Variants in MYH8 observed in about 807,000 individuals in gnomAD.
MYH8 encodes myosin heavy chain 8.
Under a neutral mutation model 233.2 loss-of-function variants are expected in MYH8, and 168 were observed. That is an observed-to-expected ratio of 0.72 (90% confidence interval 0.64 to 0.82). MYH8 has a LOEUF of 0.82. MYH8 is among the 40% of genes least tolerant of loss of function. The pLI is 0.00. For missense variants in MYH8, 1,995 were observed against 2,327.8 expected (o/e 0.86, Z 2.94); for synonymous variants, 785 against 850.6 (o/e 0.92, Z 1.34).
rs2072278443 is a variant in MYH8, at chr17:10,415,166, C to G, written c.755G>C (p.Arg252Thr). 6.2e-7 allele frequency: 1 copy of G among 1,613,072 alleles called. No homozygotes were observed. Among genetic ancestry groups the G allele is most frequent in the African/African-American group, 1.3e-5 (1 of 74,872 alleles). ...CTTCCCTGTAGTACCAAAGTGGATT[C>G]TAATGAATTTACCCTTGAAAAGAAT... ...DNSSRFGKFIRIHFGTTGKLA... is the reference protein window; with the variant it reads ...DNSSRFGKFITIHFGTTGKLA... Residue 252 changes from arginine to threonine, a missense_variant, in exon 9 of 40, where the codon AGA becomes ACA. By Grantham distance (71) the Arg-to-Thr change is moderately conservative. Around this residue, in one of 3 missense-constraint regions of MYH8, gnomAD observed 479 missense variants for 600.9 expected, o/e 0.80. Transcript: ENST00000403437. The surrounding 1 kb of genome is among the most constrained non-coding windows in gnomAD (Gnocchi z 4.1).
At chr17:10,412,861 T>A in intron 12 of MYH8, 133 bp from the exon 13 acceptor site, 3 of 875,660 alleles carry the variant, frequency 3.4e-6, no homozygotes, top group Non-Finnish European at 5.6e-6. Flanking sequence ...CCAAATGAGG[T>A]TTTCTAACCT....
At position 10,409,344 on chromosome 17, in the gene MYH8, A is replaced by G. The variant is rs1219378847; in HGVS notation, c.1832T>C (p.Leu611Pro). Residue 611 changes from leucine to proline, a missense_variant, in exon 16 of 40, where the codon CTG (leucine) becomes CCG (proline). Leu to Pro is a moderately conservative substitution (Grantham distance 98, BLOSUM62 -3). Around this residue, in one of 3 missense-constraint regions of MYH8, gnomAD observed 1,498 missense variants for 1,680.9 expected, o/e 0.89. Coordinates refer to ENST00000403437, the MANE Select transcript of MYH8 (RefSeq NM_002472.3). Reference sequence around the variant, plus strand: ...AGTCTTCATTGCAGACTTCTGGTACAGCCCAACCACAGTATCATTCAGGGG... The same window carrying G: ...AGTCTTCATTGCAGACTTCTGGTACGGCCCAACCACAGTATCATTCAGGGG... ...KDPLNDTVVG[L>P]YQKSAMKTLA... 3.7e-6 allele frequency: 6 copies of G among 1,614,262 alleles called. No individual in the cohort carries two copies. Among genetic ancestry groups the G allele is most frequent in the Admixed American group, 3.3e-5 (2 of 60,038 alleles).
chr17:10,404,105 A>G (rs1039900887), intron 22 of MYH8, among the ~76,000 whole-genome samples: 1 of 152,186 alleles, frequency 6.6e-6, no homozygotes, highest in African/African-American at 2.4e-5. Context: ...TGGCTGTTAA[A>G]TTTTGTGATA....
In MYH8 at chr17:10,393,111, C is replaced by G; in HGVS notation, c.5266G>C (p.Glu1756Gln). Residue 1756 changes from glutamate (E) to glutamine (Q), a missense_variant, in exon 36 of 40, where the codon GAG becomes CAG. By Grantham distance (29) the Glu-to-Gln change is conservative (BLOSUM62 2). Transcript: ENST00000403437. ...TCAGTGATGGCCTTCTTGGCTTTCT[C>G]TTCTGCATTGCGTGATTCTTGGATT... ...EVIQESRNAE[E>Q]KAKKAITDAA... 6.2e-7 allele frequency: 1 copy of G among 1,614,228 alleles called. No homozygotes were observed. Among genetic ancestry groups the G allele is most frequent in the Non-Finnish European group, 8.5e-7 (1 of 1,180,054 alleles).
Position 10,414,396 on chromosome 17 carries a change from T to C in MYH8, c.894A>G (p.Pro298=). The part of the protein sequence containing the change: ...IFYQITSNKK[P]DLIEMLLITT... ...TAAGTTCTTTCTTACCAATTAGATC[T>C]GGCTTCTTATTGGAAGTGATCTGAT... is the stretch of plus-strand genomic sequence containing the variant. The change falls in exon 10 of 40, where the codon CCA becomes CCG. Residue 298 remains proline (P), a synonymous_variant. Coordinates refer to ENST00000403437, the MANE Select transcript of MYH8 (RefSeq NM_002472.3). The C allele has an allele frequency of 6.2e-7, 1 of 1,609,892 alleles. No individual in the cohort carries two copies. Among genetic ancestry groups the C allele is most frequent in the Non-Finnish European group, 8.5e-7 (1 of 1,176,124 alleles).
rs368912522 is a variant in MYH8 at position 10,395,358 on chromosome 17, G to A, written c.4737C>T (p.Ile1579=). The A allele has an allele frequency of 3.1e-5, 50 of 1,614,044 alleles. No individual in the cohort carries two copies. Among genetic ancestry groups the A allele is most frequent in the African/African-American group, 3.1e-4 (23 of 75,004 alleles). ...NQVKSEVDRK[I]AEKDEEIDQL... ...GGTCAATTTCCTCATCCTTTTCTGC[G>A]ATTTTTCTATCAACTTCAGACTTGA... The change falls in exon 34 of 40, where the codon ATC becomes ATT. Residue 1579 remains isoleucine, a synonymous_variant. Transcript: ENST00000403437.
At position 10,413,955 on chromosome 17, in the gene MYH8, A is replaced by G. The variant is rs1480129894; in HGVS notation, c.1094T>C (p.Met365Thr). The change falls in exon 12 of 40, where the codon ATG becomes ACG. Residue 365 changes from methionine (M) to threonine (T), a missense_variant. Coordinates refer to ENST00000403437, the MANE Select transcript of MYH8 (RefSeq NM_002472.3). ...LTGAVMHYGN[M>T]KFKQKQREEQ... is the part of the protein sequence containing the mutation. Reference sequence around the variant, plus strand: ...CTCACGCTGCTTTTGCTTGAATTTCATGTTCCCATAATGCATCACAGCCCC... The same window carrying G: ...CTCACGCTGCTTTTGCTTGAATTTCGTGTTCCCATAATGCATCACAGCCCC... The G allele has an allele frequency of 2.5e-6, 4 of 1,613,944 alleles. No individual in the cohort carries two copies. The East Asian group carries it at 6.7e-5, about 27-fold the overall frequency.
rs1366251619 is a variant in MYH8, at chr17:10,413,754, G to A, written c.1147+148C>T. The A allele has an allele frequency of 6.0e-6, 7 of 1,166,258 alleles. No homozygotes were observed. The African/African-American group carries it at 7.6e-5, about 13-fold the overall frequency. 72.2% of individuals were successfully genotyped at this position (1,166,258 alleles called of 1,614,324 possible). The stretch of plus-strand genomic sequence containing the variant: ...GAGACATGGAGATGTAAGGAAGAGA[G>A]GGGGTGAGGAAAGCATGCAGTGTGT... On this transcript the variant is annotated intron_variant, in intron 12 of 39. Transcript: ENST00000403437.
chr17:10,392,121 T>C, intron 38 of MYH8, 144 bp from the exon 39 acceptor site: 1 of 743,848 alleles, frequency 1.3e-6, no homozygotes. Flanking sequence ...GAATTAACAG[T>C]AGCACTCTTG....
intron 15 of MYH8, among the ~76,000 whole-genome samples, chr17:10,410,196 C>G (rs34887853): frequency 2.0e-5 from 3 of 152,010 alleles, no homozygotes; most frequent in Non-Finnish European, 4.4e-5. Flanking sequence ...CCCAGCTACT[C>G]GGGAGGCTGA....
At chr17:10,409,246 G>A (rs1198580648) in intron 16 of MYH8, 33 bp downstream of exon 16, 2 of 1,613,358 alleles carry the variant, frequency 1.2e-6, no homozygotes, top group African/African-American at 2.7e-5. Context: ...ATGTGAGAAT[G>A]GATTTAATTT....
rs966362135 is a variant in MYH8, at chr17:10,420,381, T to G, written c.-30-124A>C. On this transcript the variant is annotated intron_variant, in intron 2 of 39. Coordinates refer to ENST00000403437, the MANE Select transcript of MYH8 (RefSeq NM_002472.3). ...TGTAACTATTCCTCCAAACTGGCAC[T>G]CCCCAGTGTTCTAACATAGTCTAAA... The G allele has an allele frequency of 5.9e-6, 5 of 842,912 alleles. No homozygotes were observed. In the Admixed American group the frequency reaches 1.0e-4, roughly 17 times the overall value. The allele number at this position is 842,912 out of a possible 1,614,324, so 52.2% of individuals were successfully genotyped here.
At position 10,420,111 on chromosome 17, in the gene MYH8, A is replaced by G; in HGVS notation, c.117T>C (p.Ser39=). The G allele has an allele frequency of 1.2e-6, 2 of 1,614,266 alleles. No homozygotes were observed. The highest frequency in any genetic ancestry group is 1.7e-6 in the Non-Finnish European group (2 of 1,180,056). Residue 39 remains serine (S), a synonymous_variant, in exon 3 of 40, where the codon TCT becomes TCC. Transcript: ENST00000403437. ...AQNKPFDAKT[S]VFVAEPKESY... The stretch of plus-strand genomic sequence containing the variant: ...ATTCCTTGGGCTCCGCCACAAAGAC[A>G]GATGTTTTAGCATCAAACGGCTTGT...
Position 10,418,689 on chromosome 17 carries a change from T to G in MYH8, c.467A>C (p.His156Pro), listed in dbSNP as rs753560889. The part of the protein sequence containing the change: ...RGKKRQEAPP[H>P]IFSISDNAYQ... ...GGCATTGTCAGAGATGGAGAAGATG[T>G]GGGGCGGGGCCTCCTGGCGCTTTTT... The change falls in exon 5 of 40, where the codon CAC becomes CCC. Residue 156 changes from histidine (H) to proline (P), a missense_variant. Around this residue, in one of 3 missense-constraint regions of MYH8, gnomAD observed 479 missense variants for 600.9 expected, o/e 0.80. Coordinates refer to ENST00000403437, the MANE Select transcript of MYH8 (RefSeq NM_002472.3). 3 of 1,613,894 alleles carry G rather than the reference T, an allele frequency of 1.9e-6. No individual in the cohort carries two copies. The Admixed American group carries it at 5.0e-5, about 27-fold the overall frequency.
chr17:10,407,109 A>T (rs1176208318), intron 17 of MYH8, 130 bp from the exon 18 acceptor site: 4 of 755,600 alleles, frequency 5.3e-6, no homozygotes, highest in Non-Finnish European at 9.1e-6. Context: ...ATTGCTCTGT[A>T]TTTTGAGGGT....
rs1192323434 is a variant in MYH8, at chr17:10,419,063, G to T, written c.211-33C>A. 6.2e-7 allele frequency: 1 copy of T among 1,612,488 alleles called. No individual in the cohort carries two copies. Among genetic ancestry groups the T allele is most frequent in the Non-Finnish European group, 8.5e-7 (1 of 1,178,954 alleles). On this transcript the variant is annotated intron_variant, in intron 3 of 39. Transcript: ENST00000403437. The surrounding 1 kb of genome is among the most constrained non-coding windows in gnomAD (Gnocchi z 4.0). ...GTAAGCAAGAAACCAGTTCGTTTTTGTTTGTTTGTTTGAGATAGAGTTTTG... is the reference window on the plus strand; with the variant it reads ...GTAAGCAAGAAACCAGTTCGTTTTTTTTTGTTTGTTTGAGATAGAGTTTTG...
rs1472258546 is a variant in MYH8, at chr17:10,415,569, C to T, written c.551G>A (p.Gly184Asp). Reference sequence around the variant, plus strand: ...CTTGGTGTTCACAGTCTTTCCGGCACCAGATTCTCCGCTGTCAAACAGAAA... The same window carrying T: ...CTTGGTGTTCACAGTCTTTCCGGCATCAGATTCTCCGCTGTCAAACAGAAA... ...NQSILITGES[G>D]AGKTVNTKRV... is the part of the protein sequence containing the mutation. The change falls in exon 7 of 40, where the codon GGT (glycine) becomes GAT (aspartate). Residue 184 changes from glycine to aspartate, a missense_variant. By Grantham distance (94) the Gly-to-Asp change is moderately conservative. Transcript: ENST00000403437. This position sits in a 1 kb window ranked among gnomAD's most constrained non-coding sequence, Gnocchi z 4.1. 1 of 1,614,154 alleles carries T rather than the reference C, an allele frequency of 6.2e-7. No homozygotes were observed. The highest frequency in any genetic ancestry group is 1.7e-5 in the Admixed American group (1 of 60,012).
chr17:10,390,626 G>A (rs773173416), intron 39 of MYH8, 23 bp from the exon 40 acceptor site: 6 of 1,612,578 alleles, frequency 3.7e-6, no homozygotes, highest in Middle Eastern at 1.6e-4. Context: ...ATAAAATTGT[G>A]AGAATTAGAC....
At chr17:10,404,192 A>G in intron 22 of MYH8, 138 bp downstream of exon 22, 1 of 1,031,582 alleles carries the variant, frequency 9.7e-7, no homozygotes, top group Non-Finnish European at 1.4e-6. Context: ...TCCCCATAGA[A>G]TACTAAAAGA....
Sources: gnomAD v4.1 joint callset for allele counts (sites outside exome capture counted in the v4.1 genomes callset) on GRCh38, gnomAD v4.1.1 for gene constraint, gnomAD v4.1.1 regional missense constraint, Gnocchi (gnomAD v3.1) non-coding constraint, MANE v1.5 for transcripts, NCBI Gene and HGNC (gene_info 2026-07-23, HGNC 2026-07-21) for gene names.